KLF6: variants seen among roughly 807,000 people sequenced by gnomAD.
KLF6 encodes the protein Krueppel-like factor 6.
For missense variants in KLF6, 233 were observed against 359.8 expected, an observed-to-expected ratio of 0.65 and a Z score of 2.85; for synonymous variants, 152 against 147.9, an observed-to-expected ratio of 1.03 and a Z score of -0.20.
chr10:3,780,711 G>T lies in KLF6; in HGVS notation c.677-482C>A, dbSNP rs1386782118. ...AGTTACGAGCTTCTGGAAAGCCCCAGTACAGGGCCCCGGAATCATTCTCTA... is the reference window on the plus strand; with the variant it reads ...AGTTACGAGCTTCTGGAAAGCCCCATTACAGGGCCCCGGAATCATTCTCTA... On this transcript the variant is annotated intron_variant, in intron 2 of 3. Transcript: ENST00000497571. The surrounding 1 kb of genome is among the most constrained non-coding windows in gnomAD (Gnocchi z 4.6). The T allele has an allele frequency of 4.3e-6, 1 of 235,170 alleles. No homozygotes were observed. Among genetic ancestry groups the T allele is most frequent in the East Asian group, 9.4e-5 (1 of 10,600 alleles). The allele number at this position is 235,170 out of a possible 1,614,324, so 14.6% of individuals were successfully genotyped here.
chr10:3,780,404 C>G lies in KLF6; in HGVS notation c.677-175G>C. On this transcript the variant is annotated intron_variant, in intron 2 of 3. Coordinates refer to ENST00000497571, the MANE Select transcript of KLF6 (RefSeq NM_001300.6). The surrounding 1 kb of genome is among the most constrained non-coding windows in gnomAD (Gnocchi z 4.6). The stretch of plus-strand genomic sequence containing the variant: ...AGAGACAACAGCAGCTCTCTCCTGA[C>G]CCAGTCTCAGGCCTCCCACTGCTGT... The G allele has an allele frequency of 1.4e-6, 1 of 739,404 alleles. No individual in the cohort carries two copies. Among genetic ancestry groups the G allele is most frequent in the Non-Finnish European group, 2.4e-6 (1 of 423,308 alleles). The allele number at this position is 739,404 out of a possible 1,614,324, so 45.8% of individuals were successfully genotyped here.
intron 1 of KLF6, 53 bp downstream of exon 1, chr10:3,784,860 C>T: frequency 3.9e-6 from 6 of 1,552,068 alleles, no homozygotes; most frequent in Non-Finnish European, 5.2e-6. Flanking sequence ...CCCAAACAGC[C>T]GACCCGGCCC....
rs1403721472 is a variant in KLF6, at chr10:3,781,982, G to A, written c.335C>T (p.Ser112Phe). Residue 112 changes from serine to phenylalanine, a missense_variant, in exon 2 of 4, where the codon TCC (serine) becomes TTC (phenylalanine). Transcript: ENST00000497571. The surrounding 1 kb of genome is among the most constrained non-coding windows in gnomAD (Gnocchi z 5.8). ...AGAAAGTTCCTCGGAGCTGTCAGAG[G>A]ATTCGCTGCTGACATCTGAGTTCAG... ...NSLNSDVSSESSDSSEELSPT... is the reference protein window; with the variant it reads ...NSLNSDVSSEFSDSSEELSPT... 6.2e-7 allele frequency: 1 copy of A among 1,614,104 alleles called. No individual in the cohort carries two copies. Among genetic ancestry groups the A allele is most frequent in the Non-Finnish European group, 8.5e-7 (1 of 1,180,050 alleles).
At chr10:3,779,679 C>T (rs1431841286) in intron 3 of KLF6, 89 bp from the exon 4 acceptor site, 2 of 1,161,614 alleles carry the variant, frequency 1.7e-6, no homozygotes, top group Non-Finnish European at 1.3e-6. Context: ...CCTGCCCTGC[C>T]CAGCCTAACC....
chr10:3,783,187 A>G (rs1832569275), intron 1 of KLF6: 1 of 152,258 alleles, frequency 6.6e-6, no homozygotes, highest in African/African-American at 2.4e-5. Flanking sequence ...TGGCATGGAC[A>G]GTACCCCTTC....
rs1588341592 is a variant in KLF6 at position 3,779,260 on chromosome 10, C to T, written c.*279G>A. On this transcript the variant is annotated 3_prime_UTR_variant, in exon 4 of 4. Transcript: ENST00000497571. ...AACATACAATCAACCCAACCATTAG[C>T]ATTCTCAGTGTGCATGCTCACGGCA... The T allele has an allele frequency of 1.6e-6, 1 of 614,886 alleles. No individual in the cohort carries two copies. The highest frequency in any genetic ancestry group is 3.0e-6 in the Non-Finnish European group (1 of 329,578). The allele number at this position is 614,886 out of a possible 1,614,324, so 38.1% of individuals were successfully genotyped here. A position where few individuals can be genotyped will look rare whatever the true frequency, so the allele number is the denominator to read the frequency against.
In KLF6 at chr10:3,784,589, A is replaced by C. The variant is rs1000630000; in HGVS notation, c.102+324T>G. 4.7e-4 allele frequency among the ~76,000 whole-genome samples: 70 copies of C among 149,792 alleles called. 1 individual carries two copies. Among genetic ancestry groups the C allele is most frequent in the Admixed American group, 7.5e-4 (11 of 14,660 alleles). ...AAAATCCGTTAAAAAAAAACAACAA[A>C]AAACAAACAAACAAAAAAAAAACAC... On this transcript the variant is annotated intron_variant, in intron 1 of 3. Coordinates refer to ENST00000497571, the MANE Select transcript of KLF6 (RefSeq NM_001300.6).
chr10:3,785,003 G>C lies in KLF6; in HGVS notation c.12C>G (p.Leu4=), dbSNP rs779863946. 3 of 1,610,398 alleles carry C rather than the reference G, an allele frequency of 1.9e-6. No homozygotes were observed. Among genetic ancestry groups the C allele is most frequent in the East Asian group, 2.2e-5 (1 of 44,768 alleles). The change falls in exon 1 of 4, where the codon CTC becomes CTG. Residue 4 remains leucine (L), a synonymous_variant. Coordinates refer to ENST00000497571, the MANE Select transcript of KLF6 (RefSeq NM_001300.6). MDV[L]PMCSIFQELQ... ...GCTCCTGGAAGATGCTGCACATGGGGAGCACGTCCATGTCGGGCCGGGTTG... is the reference window on the plus strand; with the variant it reads ...GCTCCTGGAAGATGCTGCACATGGGCAGCACGTCCATGTCGGGCCGGGTTG...
In KLF6 at chr10:3,781,130, C is replaced by T. The variant is rs1179852156; in HGVS notation, c.676+511G>A. On this transcript the variant is annotated intron_variant, in intron 2 of 3. Transcript: ENST00000497571. The surrounding 1 kb of genome is among the most constrained non-coding windows in gnomAD (Gnocchi z 5.8). Reference sequence around the variant, plus strand: ...TCAGAAACAAAGGCTGCATGAGACACGGAGAAGTTCTCAGGAAACACTCGC... The same window carrying T: ...TCAGAAACAAAGGCTGCATGAGACATGGAGAAGTTCTCAGGAAACACTCGC... 8 of 222,860 alleles carry T rather than the reference C, an allele frequency of 3.6e-5. No homozygotes were observed. The highest frequency in any genetic ancestry group is 1.2e-4 in the South Asian group (1 of 8,276). 13.8% of individuals were successfully genotyped at this position (222,860 alleles called of 1,614,324 possible). A position where few individuals can be genotyped will look rare whatever the true frequency, so the allele number is the denominator to read the frequency against.
At chr10:3,779,665 C>A (rs1832478403) in intron 3 of KLF6, 75 bp from the exon 4 acceptor site, 5 of 1,326,924 alleles carry the variant, frequency 3.8e-6, no homozygotes, top group Admixed American at 3.5e-5. Flanking sequence ...AGCGCCCTCA[C>A]CTCCCTGCCC....
At position 3,776,896 on chromosome 10, in the gene KLF6, G is replaced by C. The variant is rs894632215; in HGVS notation, c.*2643C>G. The C allele has an allele frequency of 1.9e-6, 1 of 518,950 alleles. No homozygotes were observed. The highest frequency in any genetic ancestry group is 2.3e-5 in the Admixed American group (1 of 43,716). The allele number at this position is 518,950 out of a possible 1,614,324, so 32.1% of individuals were successfully genotyped here. ...CAGGCAAACAGCTCCGACATGTTTC[G>C]TAAGTGAGACAAGCCAGTGCAAGTT... On this transcript the variant is annotated 3_prime_UTR_variant, in exon 4 of 4. Transcript: ENST00000497571.
In KLF6 at chr10:3,776,412, AGAGG is replaced by A; in HGVS notation, c.*3123_*3126del. The A allele has an allele frequency of 1.9e-6, 1 of 532,102 alleles. No individual in the cohort carries two copies. Among genetic ancestry groups the A allele is most frequent in the Non-Finnish European group, 3.6e-6 (1 of 274,958 alleles). 33.0% of individuals were successfully genotyped at this position (532,102 alleles called of 1,614,324 possible). A position where few individuals can be genotyped will look rare whatever the true frequency, so the allele number is the denominator to read the frequency against. On this transcript the variant is annotated 3_prime_UTR_variant, in exon 4 of 4. Coordinates refer to ENST00000497571, the MANE Select transcript of KLF6 (RefSeq NM_001300.6). The stretch of plus-strand genomic sequence containing the variant: ...CCAGCTCCCAGGACAGGCTGTGGAA[AGAGG>A]AAGGGGCTGAGGTCGGTGAGTTGTT...
chr10:3,779,671 T>C, intron 3 of KLF6, 81 bp from the exon 4 acceptor site: 2 of 1,283,782 alleles, frequency 1.6e-6, no homozygotes, highest in African/African-American at 2.9e-5. Flanking sequence ...CTCACCTCCC[T>C]GCCCTGCCCA....
At position 3,776,797 on chromosome 10, in the gene KLF6, C is replaced by A; in HGVS notation, c.*2742G>T. 1 of 514,976 alleles carries A rather than the reference C, an allele frequency of 1.9e-6. No homozygotes were observed. The highest frequency in any genetic ancestry group is 1.6e-5 in the South Asian group (1 of 64,154). The allele number at this position is 514,976 out of a possible 1,614,324, so 31.9% of individuals were successfully genotyped here. On this transcript the variant is annotated 3_prime_UTR_variant, in exon 4 of 4. Coordinates refer to ENST00000497571, the MANE Select transcript of KLF6 (RefSeq NM_001300.6). ...GATTGAGGCTCAGTTATCACCTGAA[C>A]AGAATGTACTTCTTTATGTACGTGC...
chr10:3,779,436 G>A lies in KLF6; in HGVS notation c.*103C>T, dbSNP rs1447864612. ...GAGAGGCCCTGGAGGCAACTGGGTA[G>A]GGTGCAGAACGGCATGCTTTGGCTG... is the stretch of plus-strand genomic sequence containing the variant. On this transcript the variant is annotated 3_prime_UTR_variant, in exon 4 of 4. Transcript: ENST00000497571. 4.0e-6 allele frequency: 4 copies of A among 1,003,928 alleles called. No individual in the cohort carries two copies. Among genetic ancestry groups the A allele is most frequent in the Non-Finnish European group, 6.3e-6 (4 of 633,580 alleles). The allele number at this position is 1,003,928 out of a possible 1,614,324, so 62.2% of individuals were successfully genotyped here.
rs978828601 is a variant in KLF6, at chr10:3,777,075, CCTCTT to C, written c.*2459_*2463del. 1.9e-6 allele frequency: 1 copy of C among 516,450 alleles called. No homozygotes were observed. Among genetic ancestry groups the C allele is most frequent in the Non-Finnish European group, 3.8e-6 (1 of 265,258 alleles). The allele number at this position is 516,450 out of a possible 1,614,324, so 32.0% of individuals were successfully genotyped here. A position where few individuals can be genotyped will look rare whatever the true frequency, so the allele number is the denominator to read the frequency against. On this transcript the variant is annotated 3_prime_UTR_variant, in exon 4 of 4. Coordinates refer to ENST00000497571, the MANE Select transcript of KLF6 (RefSeq NM_001300.6). Reference sequence around the variant, plus strand: ...ACTGCCAAAAGAAAACTGCACTTCCCCTCTTAAGTAAAACGAAATGAGTTTCTTAG... The same window carrying C: ...ACTGCCAAAAGAAAACTGCACTTCCCAAGTAAAACGAAATGAGTTTCTTAG...
In KLF6 at chr10:3,783,905, C is replaced by T. The variant is rs373735981; in HGVS notation, c.102+1008G>A. ...ATTTCAATCACGTCCTAGGGAGCAG[C>T]TTCTTTGAGGAGGAAAAAAACAGGA... is the stretch of plus-strand genomic sequence containing the variant. On this transcript the variant is annotated intron_variant, in intron 1 of 3. Transcript: ENST00000497571. Among the ~76,000 whole-genome samples the T allele has an allele frequency of 1.4e-4, 22 of 152,074 alleles. No individual in the cohort carries two copies. In the East Asian group the frequency reaches 2.9e-3, roughly 20 times the overall value.
chr10:3,784,824 G>T, intron 1 of KLF6, 89 bp downstream of exon 1: 1 of 1,255,226 alleles, frequency 8.0e-7, no homozygotes, highest in South Asian at 1.5e-5. Context: ...AGGCCCAGCG[G>T]ACCGCAGAGA....
At position 3,785,073 on chromosome 10, in the gene KLF6, C is replaced by CG; in HGVS notation, c.-60_-59insC. The CG allele has an allele frequency of 6.2e-7, 1 of 1,605,510 alleles. No individual in the cohort carries two copies. Among genetic ancestry groups the CG allele is most frequent in the East Asian group, 2.2e-5 (1 of 44,660 alleles). The stretch of plus-strand genomic sequence containing the variant: ...AGGGCGGCGAGGCGCGCGGTGGGAG[C>CG]CGGAGCCGAAAGTCTCCCCGGAGCG... On this transcript the variant is annotated 5_prime_UTR_variant, in exon 1 of 4. Transcript: ENST00000497571.
Sources: allele counts gnomAD v4.1 joint callset (sites outside exome capture counted in the v4.1 genomes callset), GRCh38; gene constraint gnomAD v4.1.1; non-coding constraint Gnocchi (gnomAD v3.1); transcripts MANE v1.5; gene names NCBI Gene and HGNC (gene_info 2026-07-23, HGNC 2026-07-21).